Variants in ZFPM2 observed in about 807,000 individuals in gnomAD.
ZFPM2 encodes zinc finger protein ZFPM2.
In ZFPM2, 20 loss-of-function variants were observed where a neutral mutation model predicts 98.6. The observed-to-expected ratio is 0.20, with a 90% CI of 0.14 to 0.29. ZFPM2 has a LOEUF of 0.29. Among genes scored for constraint, ZFPM2 ranks in the 10% least tolerant of loss-of-function variants. The pLI is 1.00. For missense variants in ZFPM2, 1,310 were observed against 1,388.6 expected (o/e 0.94, Z 0.90); for synonymous variants, 518 against 502.7 (o/e 1.03, Z -0.41).
In ZFPM2 at chr8:105,802,757, G is replaced by T. The variant is rs770026665; in HGVS notation, c.2675G>T (p.Gly892Val). The T allele has an allele frequency of 6.2e-7, 1 of 1,613,470 alleles. No individual in the cohort carries two copies. The highest frequency in any genetic ancestry group is 1.1e-5 in the South Asian group (1 of 90,992). The change falls in exon 8 of 8, where the codon GGC (glycine) becomes GTC (valine). Residue 892 changes from glycine (G) to valine (V), a missense_variant. Gly to Val is a moderately radical substitution (Grantham distance 109). Coordinates refer to ENST00000407775, the MANE Select transcript of ZFPM2 (RefSeq NM_012082.4). ...CGTAATGACCTGGGTCAACTGGACGGCAAAGTGTTTCCGAATCCAGAAAGC... is the reference window on the plus strand; with the variant it reads ...CGTAATGACCTGGGTCAACTGGACGTCAAAGTGTTTCCGAATCCAGAAAGC... ...HQRNDLGQLD[G>V]KVFPNPESER...
chr8:105,653,850 C>CTTTTTTTTT (rs1817229361), intron 5 of ZFPM2, among the ~76,000 whole-genome samples: 1 of 74,264 alleles, frequency 1.3e-5, no homozygotes, highest in Non-Finnish European at 2.8e-5. Context: ...AGCTTGTGTG[C>CTTTTTTTTT]TATCTTTTTT....
At chr8:105,703,040 G>C (rs530037261) in intron 5 of ZFPM2, among the ~76,000 whole-genome samples, 2 of 152,240 alleles carry the variant, frequency 1.3e-5, no homozygotes, top group East Asian at 3.9e-4. Flanking sequence ...AATGAGTTTT[G>C]CTTGGACTCC....
intron 5 of ZFPM2, among the ~76,000 whole-genome samples, chr8:105,774,042 G>A (rs1313618460): frequency 2.0e-5 from 3 of 152,160 alleles, no homozygotes; most frequent in Middle Eastern, 3.4e-3. Flanking sequence ...TAAAATCCAC[G>A]GCAAATCTTT....
intron 3 of ZFPM2, among the ~76,000 whole-genome samples, chr8:105,555,090 T>A (rs1396775157): frequency 6.6e-6 from 1 of 152,056 alleles, no homozygotes; most frequent in Non-Finnish European, 1.5e-5. Context: ...GCCTTTTTTT[T>A]TTTAAGTTAA....
At chr8:105,533,293 A>G (rs1314153486) in intron 3 of ZFPM2, among the ~76,000 whole-genome samples, 1 of 152,154 alleles carries the variant, frequency 6.6e-6, no homozygotes, top group Non-Finnish European at 1.5e-5. Context: ...AAATGTTTAT[A>G]GATTTTGATG....
intron 1 of ZFPM2, among the ~76,000 whole-genome samples, chr8:105,378,375 C>T (rs560253241): frequency 6.6e-5 from 10 of 152,216 alleles, no homozygotes; most frequent in African/African-American, 2.2e-4. Flanking sequence ...ATTTCCAACC[C>T]GGAGCCATCA....
chr8:105,330,895 A>G (rs1181591886), intron 1 of ZFPM2, among the ~76,000 whole-genome samples: 2 of 150,118 alleles, frequency 1.3e-5, no homozygotes, highest in Non-Finnish European at 3.0e-5. Context: ...TACATTTTTC[A>G]GTTTTACAGT....
chr8:105,766,732 G>C (rs1387728122), intron 5 of ZFPM2, among the ~76,000 whole-genome samples: 3 of 151,806 alleles, frequency 2.0e-5, no homozygotes, highest in African/African-American at 7.3e-5. Context: ...GACTCATTCA[G>C]GAAAATCCAT....
At chr8:105,746,161 A>G (rs1240199430) in intron 5 of ZFPM2, among the ~76,000 whole-genome samples, 1 of 151,860 alleles carries the variant, frequency 6.6e-6, no homozygotes, top group African/African-American at 2.4e-5. Context: ...CTGGGTAAAT[A>G]GGTGGTCTGT....
At chr8:105,713,613 A>G (rs920718004) in intron 5 of ZFPM2, among the ~76,000 whole-genome samples, 3 of 151,974 alleles carry the variant, frequency 2.0e-5, no homozygotes, top group African/African-American at 7.2e-5. Context: ...CTTACATTTA[A>G]GTCTTTAATC....
At chr8:105,387,795 G>C (rs1379307939) in intron 1 of ZFPM2, 1 of 152,948 alleles carries the variant, frequency 6.5e-6, no homozygotes, top group African/African-American at 2.4e-5. Flanking sequence ...AGCCCAGGCA[G>C]AGGAGGACTC....
At chr8:105,584,888 G>C (rs1430692311) in intron 4 of ZFPM2, among the ~76,000 whole-genome samples, 1 of 152,172 alleles carries the variant, frequency 6.6e-6, no homozygotes, top group East Asian at 1.9e-4. Flanking sequence ...TTTAAAGGTA[G>C]AACGTTGGTT....
Position 105,803,657 on chromosome 8 carries a change from C to G in ZFPM2, c.*119C>G. On this transcript the variant is annotated 3_prime_UTR_variant, in exon 8 of 8. Transcript: ENST00000407775. The stretch of plus-strand genomic sequence containing the variant: ...GCAATCAGGAGATAATTCATTATGG[C>G]TGAGTTGAAGACTTAAGGTGTAATT... The G allele has an allele frequency of 9.9e-7, 1 of 1,010,424 alleles. No homozygotes were observed. Among genetic ancestry groups the G allele is most frequent in the Non-Finnish European group, 1.5e-6 (1 of 682,654 alleles). The allele number at this position is 1,010,424 out of a possible 1,614,324, so 62.6% of individuals were successfully genotyped here.
At chr8:105,320,138 A>AC (rs1268949887) in intron 1 of ZFPM2, among the ~76,000 whole-genome samples, 28 of 151,880 alleles carry the variant, frequency 1.8e-4, no homozygotes, top group Admixed American at 1.8e-3. Flanking sequence ...TACTCGCCCC[A>AC]CCCCCAAATG....
intron 3 of ZFPM2, among the ~76,000 whole-genome samples, chr8:105,460,806 C>G (rs1027665961): frequency 2.6e-5 from 4 of 151,842 alleles, no homozygotes; most frequent in African/African-American, 9.7e-5. Context: ...AAAAAATGCT[C>G]CATGCATTGT....
intron 3 of ZFPM2, among the ~76,000 whole-genome samples, chr8:105,478,640 G>A (rs993755718): frequency 2.6e-5 from 4 of 152,222 alleles, no homozygotes; most frequent in African/African-American, 4.8e-5. Flanking sequence ...TTAAATAAGA[G>A]TGTTAGTACT....
At chr8:105,417,318 G>A (rs558338950) in intron 1 of ZFPM2, among the ~76,000 whole-genome samples, 2 of 152,176 alleles carry the variant, frequency 1.3e-5, no homozygotes, top group African/African-American at 4.8e-5. Context: ...ATGTAAGAAA[G>A]TGCTTTGAAT....
At chr8:105,625,155 G>A (rs1348725266) in intron 4 of ZFPM2, among the ~76,000 whole-genome samples, 1 of 152,138 alleles carries the variant, frequency 6.6e-6, no homozygotes, top group East Asian at 1.9e-4. Context: ...TGTTGCTAAT[G>A]TCTTTCCCAC....
chr8:105,578,721 G>T (rs1164783028), intron 4 of ZFPM2, among the ~76,000 whole-genome samples: 1 of 152,026 alleles, frequency 6.6e-6, no homozygotes, highest in Non-Finnish European at 1.5e-5. Context: ...GGAATATGTG[G>T]GAATAAAGCA....
Sources: gnomAD v4.1 joint callset for allele counts (sites outside exome capture counted in the v4.1 genomes callset) on GRCh38, gnomAD v4.1.1 for gene constraint, MANE v1.5 for transcripts, NCBI Gene and HGNC (gene_info 2026-07-23, HGNC 2026-07-21) for gene names.